Variants in ITGB2 observed in about 807,000 individuals in gnomAD.
ITGB2 encodes the protein integrin subunit beta 2.
Under a neutral mutation model 86.8 loss-of-function variants are expected in ITGB2, and 56 were observed. That is an observed-to-expected ratio of 0.65 (90% CI 0.52 to 0.81). The LOEUF (loss-of-function observed/expected upper bound fraction) is 0.81. ITGB2 is among the 30% of genes least tolerant of loss of function. The probability of loss-of-function intolerance (pLI) is 0.00; values close to 1 mark genes in which losing one functional copy is unlikely to be tolerated. For missense variants in ITGB2, 948 were observed against 1,061.2 expected, an observed-to-expected ratio of 0.89 and a Z score of 1.48; for synonymous variants, 457 against 450.4, an observed-to-expected ratio of 1.01 and a Z score of -0.19.
At chr21:44,927,076 C>T (rs2084381266) in intron 1 of ITGB2, 1 of 152,400 alleles carries the variant, frequency 6.6e-6, no homozygotes, top group South Asian at 2.1e-4. Context: ...GGACACTGGC[C>T]TGGGCCCCCC....
intron 3 of ITGB2, among the ~76,000 whole-genome samples, chr21:44,909,900 C>A (rs2084102823): frequency 1.3e-5 from 2 of 152,234 alleles, no homozygotes; most frequent in South Asian, 4.1e-4. Context: ...TGGCCCCAAA[C>A]CTGCTGACTC....
chr21:44,907,308 G>A (rs2084059369), intron 3 of ITGB2, among the ~76,000 whole-genome samples: 1 of 152,206 alleles, frequency 6.6e-6, no homozygotes, highest in South Asian at 2.1e-4. Context: ...CCCCTGGGGG[G>A]CAGGGTATCG....
At chr21:44,910,988 C>T (rs759084010) in intron 1 of ITGB2, 17 of 601,396 alleles carry the variant, frequency 2.8e-5, no homozygotes, top group African/African-American at 2.4e-4. Flanking sequence ...CTCAGCAGTG[C>T]GGGCAGCACA....
upstream of ITGB2, among the ~76,000 whole-genome samples, chr21:44,922,528 G>T (rs868779365): frequency 6.6e-6 from 1 of 151,608 alleles, no homozygotes. Context: ...CTAAGAATTC[G>T]CCAGGCATGG....
At chr21:44,908,828 A>G (rs1030750160) in intron 3 of ITGB2, among the ~76,000 whole-genome samples, 2 of 152,248 alleles carry the variant, frequency 1.3e-5, no homozygotes, top group Non-Finnish European at 2.9e-5. Context: ...GGCCTGCAGC[A>G]TCATGTTGCT....
intron 10 of ITGB2, chr21:44,892,933 C>T (rs1262947501): frequency 5.4e-5 from 11 of 204,438 alleles, no homozygotes; most frequent in Non-Finnish European, 7.2e-5. Flanking sequence ...TTGCCGTTTG[C>T]GCCTGTTCTG....
chr21:44,887,464 C>A (rs772551295), intron 14 of ITGB2, among the ~76,000 whole-genome samples: 8 of 152,142 alleles, frequency 5.3e-5, no homozygotes, highest in Non-Finnish European at 1.0e-4. Flanking sequence ...GACCCTGGGA[C>A]AGACACTAGC....
At chr21:44,917,865 C>G (rs2084234415) in intron 1 of ITGB2, among the ~76,000 whole-genome samples, 1 of 152,256 alleles carries the variant, frequency 6.6e-6, no homozygotes, top group Non-Finnish European at 1.5e-5. Context: ...CACTCTCAGA[C>G]CCTGAATGGC....
intron 9 of ITGB2, chr21:44,894,096 T>C: frequency 9.0e-6 from 2 of 222,836 alleles, no homozygotes; most frequent in Non-Finnish European, 1.8e-5. Flanking sequence ...GGGCATCGGG[T>C]GAATGGCCAG....
chr21:44,907,411 AG>A (rs755080083), intron 3 of ITGB2, among the ~76,000 whole-genome samples: 26 of 152,224 alleles, frequency 1.7e-4, no homozygotes, highest in Non-Finnish European at 3.4e-4. Context: ...GTCCTCTAGC[AG>A]CTGGCCCAGG....
upstream of ITGB2, among the ~76,000 whole-genome samples, chr21:44,924,754 C>T (rs2084350470): frequency 6.6e-6 from 1 of 152,194 alleles, no homozygotes; most frequent in Non-Finnish European, 1.5e-5. Flanking sequence ...CATGGTGCCA[C>T]ACTCACGCTA....
chr21:44,889,356 G>T lies in ITGB2; in HGVS notation c.1797C>A (p.Asn599Lys). 6.2e-7 allele frequency: 1 copy of T among 1,612,898 alleles called. No individual in the cohort carries two copies. Among genetic ancestry groups the T allele is most frequent in the Non-Finnish European group, 8.5e-7 (1 of 1,179,878 alleles). Residue 599 changes from asparagine to lysine, a missense_variant, in exon 13 of 16, where the codon AAC becomes AAA. Physicochemically the swap from Asn to Lys is moderately conservative, Grantham distance 94. Transcript: ENST00000652462. ...ECSGRGRCRCNVCECHSGYQL... is the reference protein window; with the variant it reads ...ECSGRGRCRCKVCECHSGYQL... ...GGTAGCCTGAATGGCACTCGCATAC[G>T]TTGCAGCGGCACCGGCCACGACCAC...
At chr21:44,919,387 A>G (rs769969836) in intron 1 of ITGB2, among the ~76,000 whole-genome samples, 5 of 152,186 alleles carry the variant, frequency 3.3e-5, no homozygotes, top group Non-Finnish European at 7.4e-5. Context: ...TTCTGCTGTG[A>G]GCTGGATGGG....
intron 8 of ITGB2, among the ~76,000 whole-genome samples, chr21:44,897,766 C>T (rs1351498813): frequency 2.6e-5 from 4 of 152,322 alleles, no homozygotes; most frequent in Middle Eastern, 3.4e-3. Context: ...CCCTGAAGAA[C>T]GGGGCACGTG....
At position 44,890,239 on chromosome 21, in the gene ITGB2, C is replaced by T. The variant is rs868682095; in HGVS notation, c.1413-17G>A. The T allele has an allele frequency of 1.2e-6, 2 of 1,612,628 alleles. No individual in the cohort carries two copies. The highest frequency in any genetic ancestry group is 1.7e-4 in the Middle Eastern group (1 of 6,060). On this transcript the variant is annotated splice_polypyrimidine_tract_variant and intron_variant, in intron 11 of 15. Transcript: ENST00000652462. ...GTGTCACACCTGGGGACAGGAGGGGCCCCAAGGTCAGGCTCCCCCCAGTGA... is the reference window on the plus strand; with the variant it reads ...GTGTCACACCTGGGGACAGGAGGGGTCCCAAGGTCAGGCTCCCCCCAGTGA...
chr21:44,893,259 C>T (rs969362348), intron 10 of ITGB2, 145 bp downstream of exon 10: 17 of 936,070 alleles, frequency 1.8e-5, no homozygotes, highest in Admixed American at 9.6e-5. Flanking sequence ...TCCCTGCCCC[C>T]GTCAGAGTGC....
chr21:44,910,058 G>A (rs892432860), intron 3 of ITGB2, among the ~76,000 whole-genome samples: 2 of 152,204 alleles, frequency 1.3e-5, no homozygotes, highest in Non-Finnish European at 2.9e-5. Context: ...CAACCTACTC[G>A]GAAATGGCTG....
Position 44,888,746 on chromosome 21 carries a change from A to T in ITGB2, c.2027T>A (p.Leu676Gln), listed in dbSNP as rs986681121. 5.6e-5 allele frequency: 91 copies of T among 1,611,482 alleles called. No individual in the cohort carries two copies. The highest frequency in any genetic ancestry group is 7.7e-5 in the Non-Finnish European group (91 of 1,179,970). ...DSEGCWVAYT[L>Q]EQQDGMDRYL... is the part of the protein sequence containing the mutation. ...GCGGTCCATCCCGTCCTGCTGCTCC[A>T]GCGTGTAGGCCACCCAGCAGCCCTC... Residue 676 changes from leucine (L) to glutamine (Q), a missense_variant, in exon 14 of 16, where the codon CTG becomes CAG. Coordinates refer to ENST00000652462, the MANE Select transcript of ITGB2 (RefSeq NM_000211.5).
chr21:44,900,344 G>T lies in ITGB2; in HGVS notation c.873C>A (p.Asn291Lys). Residue 291 changes from asparagine (N) to lysine (K), a missense_variant, in exon 7 of 16, where the codon AAC becomes AAA. Coordinates refer to ENST00000652462, the MANE Select transcript of ITGB2 (RefSeq NM_000211.5). ...PNDGRCHLED[N>K]LYKRSNEFDY... ...CGAATTCGTTGCTCCTCTTGTACAAGTTGTCCTCCAGGTGACAGCGGCCGT... is the reference window on the plus strand; with the variant it reads ...CGAATTCGTTGCTCCTCTTGTACAATTTGTCCTCCAGGTGACAGCGGCCGT... The T allele has an allele frequency of 6.2e-7, 1 of 1,614,198 alleles. No individual in the cohort carries two copies. Among genetic ancestry groups the T allele is most frequent in the South Asian group, 1.1e-5 (1 of 91,082 alleles).
Sources: gnomAD v4.1 joint callset for allele counts (sites outside exome capture counted in the v4.1 genomes callset) on GRCh38, gnomAD v4.1.1 for gene constraint, MANE v1.5 for transcripts, NCBI Gene and HGNC (gene_info 2026-07-23, HGNC 2026-07-21) for gene names.